Variants in CAMSAP2 observed in about 807,000 individuals in gnomAD.
CAMSAP2 encodes the protein calmodulin-regulated spectrin-associated protein 2.
CAMSAP2 carries 26 observed loss-of-function variants against 146.1 expected under a neutral mutation model. The observed-to-expected ratio is 0.18, with a 90% CI of 0.13 to 0.25. CAMSAP2 has a LOEUF of 0.25. Ranked by LOEUF, CAMSAP2 falls within the 10% of genes least tolerant of loss-of-function variation. The pLI, the probability that CAMSAP2 is intolerant of heterozygous loss-of-function variation, is 1.00. For synonymous variants in CAMSAP2, 499 were observed against 596.6 expected, an observed-to-expected ratio of 0.84 and a Z score of 2.38; for missense variants, 1,381 against 1,759.3, an observed-to-expected ratio of 0.78 and a Z score of 3.85.
chr1:200,807,079 A>G (rs192718061), intron 2 of CAMSAP2, among the ~76,000 whole-genome samples: 1 of 152,330 alleles, frequency 6.6e-6, no homozygotes, highest in African/African-American at 2.4e-5. Flanking sequence ...GGTAAGTTAT[A>G]TTGCTGAGTA....
At position 200,761,082 on chromosome 1, in the gene CAMSAP2, A is replaced by G; in HGVS notation, c.383A>G (p.Lys128Arg). The G allele has an allele frequency of 4.3e-6, 7 of 1,614,166 alleles. 1 individual carries two copies. The South Asian group carries it at 7.7e-5, about 18-fold the overall frequency. ...EKLVTERDLH[K>R]KPIQMSAHLA... ...TTGGTAACTGAACGAGATCTCCACAAGAAACCCATACAGATGGTGAGTCTT... is the reference window on the plus strand; with the variant it reads ...TTGGTAACTGAACGAGATCTCCACAGGAAACCCATACAGATGGTGAGTCTT... The change falls in exon 2 of 17, where the codon AAG becomes AGG. Residue 128 changes from lysine (K) to arginine (R), a missense_variant. Lys to Arg is a conservative substitution (Grantham distance 26). This residue lies in a region of CAMSAP2 where 284 missense variants were observed against 406.9 expected (regional missense o/e 0.70). Coordinates refer to ENST00000358823, the MANE Select transcript of CAMSAP2 (RefSeq NM_203459.4).
chr1:200,834,756 A>G (rs1367399377), intron 6 of CAMSAP2, among the ~76,000 whole-genome samples: 1 of 152,136 alleles, frequency 6.6e-6, no homozygotes, highest in Non-Finnish European at 1.5e-5. Flanking sequence ...CTTTACAGAA[A>G]ATAAAGTTAG....
intron 1 of CAMSAP2, 99 bp from the exon 2 acceptor site, chr1:200,760,740 G>A (rs560309552): frequency 3.5e-6 from 3 of 860,256 alleles, no homozygotes; most frequent in Admixed American, 3.0e-5. Context: ...TTTTTAGAGG[G>A]AATCTTAAAT....
At position 200,853,631 on chromosome 1, in the gene CAMSAP2, C is replaced by T; in HGVS notation, c.3823+136C>T. 1.5e-6 allele frequency: 1 copy of T among 646,296 alleles called. No homozygotes were observed. Among genetic ancestry groups the T allele is most frequent in the Non-Finnish European group, 2.7e-6 (1 of 366,518 alleles). 40.0% of individuals were successfully genotyped at this position (646,296 alleles called of 1,614,324 possible). On this transcript the variant is annotated intron_variant, in intron 13 of 16. Coordinates refer to ENST00000358823, the MANE Select transcript of CAMSAP2 (RefSeq NM_203459.4). This position sits in a 1 kb window ranked among gnomAD's most constrained non-coding sequence, Gnocchi z 5.1. The stretch of plus-strand genomic sequence containing the variant: ...TTGTGCATGCTCCCTTTTGGAAAAC[C>T]AAAATGAGCAAATGAAGTTTTTAAT...
At chr1:200,785,905 G>A (rs189277116) in intron 2 of CAMSAP2, among the ~76,000 whole-genome samples, 79 of 151,690 alleles carry the variant, frequency 5.2e-4, no homozygotes, top group African/African-American at 1.8e-3. Context: ...GGTCAGGCTG[G>A]TCTCAAACTC....
chr1:200,740,047 CT>C (rs1483500577), intron 1 of CAMSAP2, 81 bp downstream of exon 1: 8 of 1,490,314 alleles, frequency 5.4e-6, no homozygotes, highest in Non-Finnish European at 7.4e-6. Flanking sequence ...TCTCGAATCC[CT>C]CCCTCCCCGT....
Position 200,858,150 on chromosome 1 carries a change from CTT to C in CAMSAP2, c.*94_*95del. The C allele has an allele frequency of 1.7e-6, 2 of 1,154,454 alleles. No individual in the cohort carries two copies. Among genetic ancestry groups the C allele is most frequent in the Non-Finnish European group, 2.4e-6 (2 of 818,796 alleles). 71.5% of individuals were successfully genotyped at this position (1,154,454 alleles called of 1,614,324 possible). ...AAAATCTTTCTAATTGCCAACAAGA[CTT>C]TTATTAATTAAAACTGGACATTAAG... On this transcript the variant is annotated 3_prime_UTR_variant, in exon 17 of 17. Coordinates refer to ENST00000358823, the MANE Select transcript of CAMSAP2 (RefSeq NM_203459.4).
chr1:200,749,120 A>G (rs1389084201), intron 1 of CAMSAP2, among the ~76,000 whole-genome samples: 1 of 152,216 alleles, frequency 6.6e-6, no homozygotes, highest in Non-Finnish European at 1.5e-5. Context: ...GGGAGGAAGG[A>G]CCACACTCCC....
intron 2 of CAMSAP2, among the ~76,000 whole-genome samples, chr1:200,800,262 G>A (rs906373160): frequency 6.6e-6 from 1 of 152,138 alleles, no homozygotes; most frequent in African/African-American, 2.4e-5. Context: ...GTGACAGTGG[G>A]GTGTTCAAGT....
chr1:200,815,902 CCTTT>C (rs923908089), intron 4 of CAMSAP2, among the ~76,000 whole-genome samples: 1 of 152,144 alleles, frequency 6.6e-6, no homozygotes, highest in Non-Finnish European at 1.5e-5. Flanking sequence ...TAACAGTTTG[CCTTT>C]CTTTGGTAAA....
At position 200,832,633 on chromosome 1, in the gene CAMSAP2, T is replaced by C; in HGVS notation, c.788-73T>C. Reference sequence around the variant, plus strand: ...AACCAGAATTGTGTATTTGTACTAATTACAAGATGGATATGAAATATTTAT... The same window carrying C: ...AACCAGAATTGTGTATTTGTACTAACTACAAGATGGATATGAAATATTTAT... On this transcript the variant is annotated intron_variant, in intron 5 of 16. Coordinates refer to ENST00000358823, the MANE Select transcript of CAMSAP2 (RefSeq NM_203459.4). The surrounding 1 kb of genome is among the most constrained non-coding windows in gnomAD (Gnocchi z 4.2). 2 of 1,268,692 alleles carry C rather than the reference T, an allele frequency of 1.6e-6. No individual in the cohort carries two copies. The highest frequency in any genetic ancestry group is 2.2e-6 in the Non-Finnish European group (2 of 923,774). 78.6% of individuals were successfully genotyped at this position (1,268,692 alleles called of 1,614,324 possible). A position where few individuals can be genotyped will look rare whatever the true frequency, so the allele number is the denominator to read the frequency against.
At chr1:200,809,548 T>C (rs1459725186) in intron 3 of CAMSAP2, among the ~76,000 whole-genome samples, 1 of 152,114 alleles carries the variant, frequency 6.6e-6, no homozygotes, top group African/African-American at 2.4e-5. Flanking sequence ...CTGGCCAACA[T>C]GGCGAAACTC....
chr1:200,802,686 T>A (rs577843170), intron 2 of CAMSAP2, among the ~76,000 whole-genome samples: 119 of 152,310 alleles, frequency 7.8e-4, no homozygotes, highest in African/African-American at 2.7e-3. Context: ...GATTTTTTTT[T>A]AAGTTCTATG....
chr1:200,787,676 C>T (rs1159733090), intron 2 of CAMSAP2, among the ~76,000 whole-genome samples: 1 of 152,198 alleles, frequency 6.6e-6, no homozygotes, highest in Non-Finnish European at 1.5e-5. Context: ...ATAGGACTGA[C>T]TCCACGTTTG....
At chr1:200,817,048 G>A (rs1168554448) in intron 4 of CAMSAP2, among the ~76,000 whole-genome samples, 23 of 139,896 alleles carry the variant, frequency 1.6e-4, no homozygotes, top group African/African-American at 5.5e-4. Context: ...ATACACACGT[G>A]TATGTGTATA....
chr1:200,819,325 A>C (rs1292920406), intron 4 of CAMSAP2, among the ~76,000 whole-genome samples: 1 of 152,180 alleles, frequency 6.6e-6, no homozygotes, highest in Non-Finnish European at 1.5e-5. Context: ...TTTTGATTGT[A>C]AATTAGGGTG....
At chr1:200,817,239 C>CATACACACATATGTGTGTGTAT (rs71135400) in intron 4 of CAMSAP2, among the ~76,000 whole-genome samples, 7 of 138,712 alleles carry the variant, frequency 5.0e-5, no homozygotes, top group Admixed American at 2.8e-4. Context: ...TATATACACA[C>CATACACACATATGTGTGTGTAT]ATACACACAT....
chr1:200,763,963 C>T (rs754581367), intron 2 of CAMSAP2, among the ~76,000 whole-genome samples: 6 of 151,874 alleles, frequency 4.0e-5, no homozygotes, highest in South Asian at 2.1e-4. Flanking sequence ...AACCCGAGGT[C>T]GGGAGGCTGA....
intron 4 of CAMSAP2, among the ~76,000 whole-genome samples, chr1:200,822,962 G>C (rs1056378381): frequency 1.3e-5 from 2 of 152,052 alleles, no homozygotes; most frequent in African/African-American, 2.4e-5. Context: ...TATGGGTAAG[G>C]GGGGGACAGC....
Sources: gnomAD v4.1 joint callset for allele counts (sites outside exome capture counted in the v4.1 genomes callset) on GRCh38, gnomAD v4.1.1 for gene constraint, gnomAD v4.1.1 regional missense constraint, Gnocchi (gnomAD v3.1) non-coding constraint, MANE v1.5 for transcripts, NCBI Gene and HGNC (gene_info 2026-07-23, HGNC 2026-07-21) for gene names.